HDAC9: variants seen among roughly 807,000 people sequenced by gnomAD.
HDAC9 encodes the protein histone deacetylase 9, also known as MEF-2 interacting transcription repressor (MITR) protein.
Under a neutral mutation model 139.4 loss-of-function variants are expected in HDAC9, and 41 were observed. The observed-to-expected ratio is 0.29, with a 90% confidence interval of 0.23 to 0.38. The LOEUF (loss-of-function observed/expected upper bound fraction) is 0.38. HDAC9 is among the 10% of genes least tolerant of loss of function. The pLI is 1.00. For missense variants in HDAC9, 1,147 were observed against 1,297.0 expected, an observed-to-expected ratio of 0.88 and a Z score of 1.78; for synonymous variants, 517 against 476.2, an observed-to-expected ratio of 1.09 and a Z score of -1.12.
At chr7:18,657,722 A>G (rs988774381) in intron 11 of HDAC9, among the ~76,000 whole-genome samples, 4 of 152,108 alleles carry the variant, frequency 2.6e-5, no homozygotes, top group African/African-American at 9.7e-5. Flanking sequence ...TCCTCTTTCT[A>G]CTTTTGCTCC....
intron 1 of HDAC9, among the ~76,000 whole-genome samples, chr7:18,296,363 G>A (rs140489718): frequency 2.4e-4 from 36 of 151,500 alleles, no homozygotes; most frequent in African/African-American, 5.4e-4. Flanking sequence ...AAAGATCTAC[G>A]TCTTTAAAAA....
At chr7:18,897,556 C>T (rs958692106) in intron 22 of HDAC9, among the ~76,000 whole-genome samples, 2 of 151,806 alleles carry the variant, frequency 1.3e-5, no homozygotes, top group Non-Finnish European at 2.9e-5. Flanking sequence ...TGCAGAATAT[C>T]TAATAATCAT....
intron 14 of HDAC9, among the ~76,000 whole-genome samples, chr7:18,755,914 C>T (rs1049988907): frequency 2.0e-5 from 3 of 152,076 alleles, no homozygotes; most frequent in South Asian, 2.1e-4. Context: ...ATCAACCTTC[C>T]GTCCACCAAT....
At chr7:18,400,451 T>A (rs1293380887) in intron 1 of HDAC9, among the ~76,000 whole-genome samples, 2 of 152,144 alleles carry the variant, frequency 1.3e-5, no homozygotes, top group Non-Finnish European at 2.9e-5. Context: ...GACAAGCATG[T>A]TGCTGTAGAA....
chr7:18,833,793 A>G (rs937206152), intron 19 of HDAC9, among the ~76,000 whole-genome samples: 1 of 152,190 alleles, frequency 6.6e-6, no homozygotes, highest in Non-Finnish European at 1.5e-5. Context: ...GGATTATTGT[A>G]TGTCTACACC....
chr7:18,532,035 G>C (rs1809163703), intron 2 of HDAC9, among the ~76,000 whole-genome samples: 1 of 152,160 alleles, frequency 6.6e-6, no homozygotes, highest in South Asian at 2.1e-4. Context: ...GATTACCTGA[G>C]GTCAGGAGTT....
intron 21 of HDAC9, among the ~76,000 whole-genome samples, chr7:18,838,599 T>C (rs2129213114): frequency 6.6e-6 from 1 of 152,208 alleles, no homozygotes; most frequent in Admixed American, 6.6e-5. Flanking sequence ...CTTTGTCAAT[T>C]TGGGCTTAGT....
intron 17 of HDAC9, among the ~76,000 whole-genome samples, chr7:18,804,481 G>A (rs1242899153): frequency 6.6e-6 from 1 of 152,108 alleles, no homozygotes; most frequent in Non-Finnish European, 1.5e-5. Flanking sequence ...TAGCAACGGT[G>A]GTAAGTGCTG....
In HDAC9 at chr7:18,237,412, T is replaced by C. The variant is rs143497222; in HGVS notation, c.25+75063T>C. On this transcript the variant is annotated intron_variant, in intron 2 of 12. Coordinates refer to the HDAC9 transcript ENST00000417496. ...AAGGAAAATCACTTTGAGTGGAATT[T>C]GAAAACTTGGCATGGTACTGGGGTA... Among the ~76,000 whole-genome samples the C allele has an allele frequency of 1.1e-4, 16 of 152,320 alleles. No individual in the cohort carries two copies. In the East Asian group the frequency reaches 3.1e-3, roughly 29 times the overall value.
intron 12 of HDAC9, among the ~76,000 whole-genome samples, chr7:18,680,469 G>T (rs1781817296): frequency 6.6e-6 from 1 of 151,926 alleles, no homozygotes; most frequent in South Asian, 2.1e-4. Context: ...GATGGGCAGA[G>T]GTGTTTCTTT....
intron 1 of HDAC9, among the ~76,000 whole-genome samples, chr7:18,366,806 A>G (rs1784215445): frequency 6.6e-6 from 1 of 152,046 alleles, no homozygotes; most frequent in Non-Finnish European, 1.5e-5. Context: ...TGAAATTCAA[A>G]TGTATTGACT....
intron 1 of HDAC9, among the ~76,000 whole-genome samples, chr7:18,137,124 G>A (rs1293756304): frequency 3.4e-5 from 5 of 145,906 alleles, no homozygotes; most frequent in South Asian, 2.3e-4. Flanking sequence ...TTGGTGTATA[G>A]GAATGCTTGT....
chr7:18,363,314 A>G (rs1190143744), intron 1 of HDAC9, among the ~76,000 whole-genome samples: 14 of 152,128 alleles, frequency 9.2e-5, no homozygotes, highest in Admixed American at 2.0e-4. Context: ...AGATACTTCT[A>G]AAGCTGATTG....
chr7:18,201,308 T>C (rs1310013859), intron 2 of HDAC9, among the ~76,000 whole-genome samples: 1 of 152,188 alleles, frequency 6.6e-6, no homozygotes, highest in African/African-American at 2.4e-5. Context: ...GATTCTAGGG[T>C]GTTATTTATG....
At chr7:18,889,126 C>G (rs1433978867) in intron 22 of HDAC9, among the ~76,000 whole-genome samples, 3 of 152,204 alleles carry the variant, frequency 2.0e-5, no homozygotes, top group Non-Finnish European at 4.4e-5. Context: ...CTCTGCCAAC[C>G]CTTTTTTCAC....
intron 24 of HDAC9, among the ~76,000 whole-genome samples, chr7:18,957,459 T>G (rs1436436706): frequency 1.3e-5 from 2 of 152,266 alleles, no homozygotes; most frequent in African/African-American, 4.8e-5. Context: ...TCTCACTGTT[T>G]TATAACCAAT....
At chr7:18,178,964 C>T (rs951666967) in intron 2 of HDAC9, among the ~76,000 whole-genome samples, 1 of 152,152 alleles carries the variant, frequency 6.6e-6, no homozygotes, top group Non-Finnish European at 1.5e-5. Flanking sequence ...CTTAAACTTT[C>T]TGTGTGTCTC....
rs558272366 is a variant in HDAC9, at chr7:18,354,728, G to A, written c.-42+64213G>A. Among the ~76,000 whole-genome samples, 8 of 151,994 alleles carry A rather than the reference G, an allele frequency of 5.3e-5. No homozygotes were observed. The South Asian group carries it at 1.7e-3, about 32-fold the overall frequency. ...CCCAGATTTCCTCCACTTTCCCTTT[G>A]CCTTGATCCCAAAACCTGACCTCTG... On this transcript the variant is annotated intron_variant, in intron 1 of 3. Transcript: ENST00000413509.
intron 16 of HDAC9, among the ~76,000 whole-genome samples, chr7:18,790,036 G>A (rs1239732424): frequency 6.6e-6 from 1 of 152,134 alleles, no homozygotes; most frequent in African/African-American, 2.4e-5. Flanking sequence ...TTCTTCTAGT[G>A]ACACAGATTA....
Sources: allele counts gnomAD v4.1 joint callset (sites outside exome capture counted in the v4.1 genomes callset), GRCh38; gene constraint gnomAD v4.1.1; transcripts MANE v1.5; gene names NCBI Gene and HGNC (gene_info 2026-07-23, HGNC 2026-07-21).